The following ARSJ variants were observed in gnomAD, a reference collection of about 807,000 sequenced individuals.
ARSJ encodes arylsulfatase J.
ARSJ carries 26 observed loss-of-function variants against 35.9 expected under a neutral mutation model. The observed-to-expected ratio is 0.72, with a 90% CI of 0.53 to 1.00. The LOEUF (loss-of-function observed/expected upper bound fraction) is 1.00, where lower values mean the gene tolerates loss of function less well. ARSJ is among the 50% of genes least tolerant of loss of function. The probability of loss-of-function intolerance (pLI) is 0.00; values close to 1 mark genes in which losing one functional copy is unlikely to be tolerated. For synonymous variants in ARSJ, 294 were observed against 267.6 expected (o/e 1.10, Z -0.96); for missense variants, 667 against 723.6 (o/e 0.92, Z 0.90).
chr4:113,909,759 G>C (rs6822785), intron 1 of ARSJ, among the ~76,000 whole-genome samples: 1 of 151,976 alleles, frequency 6.6e-6, no homozygotes, highest in African/African-American at 2.4e-5. Context: ...TATATCCTTA[G>C]AGCAGCATGA....
chr4:113,945,729 G>A (rs979381996), intron 1 of ARSJ, among the ~76,000 whole-genome samples: 2 of 152,016 alleles, frequency 1.3e-5, no homozygotes, highest in Non-Finnish European at 2.9e-5. Flanking sequence ...TTACTTTTAT[G>A]TATCTGACAT....
At chr4:113,976,635 T>C (rs902750232) in intron 1 of ARSJ, among the ~76,000 whole-genome samples, 2 of 152,202 alleles carry the variant, frequency 1.3e-5, no homozygotes, top group African/African-American at 4.8e-5. Flanking sequence ...AAAGGAGAAA[T>C]TGCAAGTGAA....
Position 113,903,403 on chromosome 4 carries a change from T to C in ARSJ, c.671A>G (p.Glu224Gly). The change falls in exon 2 of 2, where the codon GAA becomes GGA. Residue 224 changes from glutamate to glycine, a missense_variant. By Grantham distance (98) the Glu-to-Gly change is moderately conservative (BLOSUM62 -2). Coordinates refer to ENST00000315366, the MANE Select transcript of ARSJ (RefSeq NM_024590.4). Reference protein sequence around the residue: ...SPGMCGYDLYENDNAAWDYDN... With the variant: ...SPGMCGYDLYGNDNAAWDYDN... Reference sequence around the variant, plus strand: ...ATAGTCCCAGGCAGCATTGTCGTTTTCATACAAGTCATAGCCACACATCCC... The same window carrying C: ...ATAGTCCCAGGCAGCATTGTCGTTTCCATACAAGTCATAGCCACACATCCC... 2 of 1,614,192 alleles carry C rather than the reference T, an allele frequency of 1.2e-6. No individual in the cohort carries two copies. The highest frequency in any genetic ancestry group is 2.2e-5 in the South Asian group (2 of 91,088).
rs1382668268 is a variant in ARSJ, at chr4:113,903,371, C to T, written c.703G>A (p.Gly235Ser). 2 of 1,613,962 alleles carry T rather than the reference C, an allele frequency of 1.2e-6. No individual in the cohort carries two copies. The highest frequency in any genetic ancestry group is 4.5e-5 in the East Asian group (2 of 44,890). The change falls in exon 2 of 2, where the codon GGC (glycine) becomes AGC (serine). Residue 235 changes from glycine to serine, a missense_variant. Gly to Ser is a moderately conservative substitution (Grantham distance 56, BLOSUM62 0). Transcript: ENST00000315366. ...NDNAAWDYDNGIYSTQMYTQR... is the reference protein window; with the variant it reads ...NDNAAWDYDNSIYSTQMYTQR... ...GTGTACATCTGTGTGGAGTATATGC[C>T]ATTGTCATAGTCCCAGGCAGCATTG...
At chr4:113,904,340 GTTA>G (rs1007562598) in intron 1 of ARSJ, among the ~76,000 whole-genome samples, 1 of 152,078 alleles carries the variant, frequency 6.6e-6, no homozygotes, top group Admixed American at 6.6e-5. Flanking sequence ...GAATCAGAGT[GTTA>G]TTATTATTAT....
chr4:113,947,961 G>T (rs13104373), intron 1 of ARSJ, among the ~76,000 whole-genome samples: 53,459 of 151,752 alleles, frequency 0.35, 9,599 homozygotes, highest in South Asian at 0.42. Flanking sequence ...GGCTAAGGTG[G>T]GTGGATCACT....
At chr4:113,967,635 T>C (rs1400921983) in intron 1 of ARSJ, among the ~76,000 whole-genome samples, 4 of 152,178 alleles carry the variant, frequency 2.6e-5, no homozygotes, top group African/African-American at 7.2e-5. Context: ...CCATTTAAAA[T>C]AACTGCTTTC....
intron 1 of ARSJ, among the ~76,000 whole-genome samples, chr4:113,955,692 T>A (rs1289023314): frequency 6.6e-6 from 1 of 152,088 alleles, no homozygotes; most frequent in Non-Finnish European, 1.5e-5. Context: ...CTTTTATAGC[T>A]CAGGAAACTG....
At chr4:113,960,286 T>C (rs1171115261) in intron 1 of ARSJ, among the ~76,000 whole-genome samples, 1 of 152,110 alleles carries the variant, frequency 6.6e-6, no homozygotes, top group African/African-American at 2.4e-5. Flanking sequence ...TATTGAATAA[T>C]AGTTTCCTTG....
intron 1 of ARSJ, among the ~76,000 whole-genome samples, chr4:113,976,249 T>C (rs1295017289): frequency 6.6e-6 from 1 of 152,212 alleles, no homozygotes; most frequent in Non-Finnish European, 1.5e-5. Flanking sequence ...TTGAATCATG[T>C]CACACTTCAC....
intron 1 of ARSJ, among the ~76,000 whole-genome samples, chr4:113,920,376 A>G (rs1327986498): frequency 6.6e-6 from 1 of 152,194 alleles, no homozygotes; most frequent in Non-Finnish European, 1.5e-5. Context: ...CAACATCCCT[A>G]TACACTGTGG....
chr4:113,944,865 C>A (rs1725375768), intron 1 of ARSJ, among the ~76,000 whole-genome samples: 1 of 151,990 alleles, frequency 6.6e-6, no homozygotes. Context: ...TTAACAAATT[C>A]ATTTTAACAT....
At chr4:113,941,873 AT>A (rs1725181946) in intron 1 of ARSJ, among the ~76,000 whole-genome samples, 1 of 152,056 alleles carries the variant, frequency 6.6e-6, no homozygotes, top group South Asian at 2.1e-4. Flanking sequence ...TAACATTATT[AT>A]TATGGATTAG....
Position 113,914,762 on chromosome 4 carries a change from C to A in ARSJ, c.399-11087G>T, listed in dbSNP as rs540919973. The stretch of plus-strand genomic sequence containing the variant: ...CCACATTATTCCAGGTACTGTACTG[C>A]GGAGAAACATAAAGAATAGTGAGAG... On this transcript the variant is annotated intron_variant, in intron 1 of 1. Coordinates refer to ENST00000315366, the MANE Select transcript of ARSJ (RefSeq NM_024590.4). 5.3e-5 allele frequency among the ~76,000 whole-genome samples: 8 copies of A among 152,128 alleles called. No individual in the cohort carries two copies. The South Asian group carries it at 1.2e-3, about 24-fold the overall frequency.
intron 1 of ARSJ, among the ~76,000 whole-genome samples, chr4:113,914,068 G>A (rs1218811899): frequency 1.2e-4 from 19 of 152,030 alleles, no homozygotes; most frequent in Admixed American, 1.2e-3. Context: ...CTGCCTCCTG[G>A]GTTCAAGTGA....
chr4:113,904,094 T>A (rs1345251482), intron 1 of ARSJ, among the ~76,000 whole-genome samples: 1 of 152,062 alleles, frequency 6.6e-6, no homozygotes, highest in East Asian at 1.9e-4. Flanking sequence ...AGATTTTTTT[T>A]TTTTTTGTAT....
At chr4:113,910,285 T>A (rs4834362) in intron 1 of ARSJ, among the ~76,000 whole-genome samples, 88,457 of 152,032 alleles carry the variant, frequency 0.58, 27,246 homozygotes, top group Non-Finnish European at 0.68. Flanking sequence ...GATACTATAG[T>A]CTATGAATTC....
At chr4:113,924,118 T>TATATATAA (rs1723902259) in intron 1 of ARSJ, among the ~76,000 whole-genome samples, 1 of 138,798 alleles carries the variant, frequency 7.2e-6, no homozygotes, top group African/African-American at 2.7e-5. Flanking sequence ...TATATATATA[T>TATATATAA]ATAAAGGGGA....
In ARSJ at chr4:113,903,068, C is replaced by G. The variant is rs779144718; in HGVS notation, c.1006G>C (p.Gly336Arg). 1 of 1,614,200 alleles carries G rather than the reference C, an allele frequency of 6.2e-7. No individual in the cohort carries two copies. Among genetic ancestry groups the G allele is most frequent in the South Asian group, 1.1e-5 (1 of 91,082 alleles). ...SDNGGQPTAG[G>R]SNWPLRGSKG... ...CTACCTCTGAGAGGCCAGTTACTCC[C>G]TCCTGCCGTAGGCTGGCCACCATTA... The change falls in exon 2 of 2, where the codon GGG becomes CGG. Residue 336 changes from glycine (G) to arginine (R), a missense_variant. Gly to Arg is a moderately radical substitution (Grantham distance 125, BLOSUM62 -2). Coordinates refer to ENST00000315366, the MANE Select transcript of ARSJ (RefSeq NM_024590.4).
Sources: gnomAD v4.1 joint callset for allele counts (sites outside exome capture counted in the v4.1 genomes callset) on GRCh38, gnomAD v4.1.1 for gene constraint, MANE v1.5 for transcripts, NCBI Gene and HGNC (gene_info 2026-07-23, HGNC 2026-07-21) for gene names.